Variants in MYBPHL observed in about 807,000 individuals in gnomAD.
MYBPHL encodes myosin-binding protein H-like.
A neutral mutation model predicts 39.5 loss-of-function variants in MYBPHL; 32 were observed. The observed-to-expected ratio is 0.81, with a 90% CI of 0.61 to 1.09. The LOEUF is 1.09. MYBPHL is among the 50% of genes least tolerant of loss of function. The pLI is 0.00. For missense variants in MYBPHL, 456 were observed against 460.2 expected, an observed-to-expected ratio of 0.99 and a Z score of 0.08; for synonymous variants, 196 against 183.7, an observed-to-expected ratio of 1.07 and a Z score of -0.54.
Position 109,306,894 on chromosome 1 carries a change from C to T in MYBPHL, c.98G>A (p.Gly33Glu), listed in dbSNP as rs1007579987. Residue 33 changes from glycine (G) to glutamate (E), a missense_variant, in exon 1 of 9, where the codon GGA becomes GAA. Coordinates refer to ENST00000357155, the MANE Select transcript of MYBPHL (RefSeq NM_001010985.3). ...ADAEPPQASP[G>E]QGAGSPTPQL... ...GGGAGTGGGGCTGCCAGCCCCCTGTCCAGGTGAAGCCTGGGGTGGTTCAGC... is the reference window on the plus strand; with the variant it reads ...GGGAGTGGGGCTGCCAGCCCCCTGTTCAGGTGAAGCCTGGGGTGGTTCAGC... 1 of 1,604,120 alleles carries T rather than the reference C, an allele frequency of 6.2e-7. No individual in the cohort carries two copies. The highest frequency in any genetic ancestry group is 8.5e-7 in the Non-Finnish European group (1 of 1,175,678).
At chr1:109,303,321 C>T (rs964451668) in intron 1 of MYBPHL, among the ~76,000 whole-genome samples, 3 of 152,134 alleles carry the variant, frequency 2.0e-5, no homozygotes, top group Admixed American at 6.5e-5. Flanking sequence ...TTAGATTGCA[C>T]GGTCATTATT....
At chr1:109,299,452 C>T (rs1658207606) in intron 1 of MYBPHL, among the ~76,000 whole-genome samples, 2 of 152,196 alleles carry the variant, frequency 1.3e-5, no homozygotes, top group African/African-American at 4.8e-5. Flanking sequence ...ACATACATTA[C>T]ATAACACAAA....
rs779216234 is a variant in MYBPHL at position 109,297,559 on chromosome 1, C to T, written c.293G>A (p.Arg98His). 1.7e-5 allele frequency: 28 copies of T among 1,613,808 alleles called. No homozygotes were observed. The highest frequency in any genetic ancestry group is 5.3e-5 in the African/African-American group (4 of 74,924). The change falls in exon 3 of 9, where the codon CGT (arginine) becomes CAT (histidine). Residue 98 changes from arginine to histidine, a missense_variant. Transcript: ENST00000357155. ...TTGCTCCCCATTCCGCACACTCACA[C>T]GCCTGGTGTCCAAGGCACAGCCATC... ...THDGCALDTR[R>H]VSVRNGEQDS...
In MYBPHL at chr1:109,295,445, C is replaced by G; in HGVS notation, c.868-148G>C. The G allele has an allele frequency of 2.3e-5, 14 of 612,754 alleles. No individual in the cohort carries two copies. The South Asian group carries it at 4.2e-4, about 18-fold the overall frequency. The allele number at this position is 612,754 out of a possible 1,614,324, so 38.0% of individuals were successfully genotyped here. ...TCCTTATGTTGTGGGAAGGGTTTCCCCTTCCAGTGCCACCAGCAGTCCCCC... is the reference window on the plus strand; with the variant it reads ...TCCTTATGTTGTGGGAAGGGTTTCCGCTTCCAGTGCCACCAGCAGTCCCCC... On this transcript the variant is annotated intron_variant, in intron 6 of 8. Coordinates refer to ENST00000357155, the MANE Select transcript of MYBPHL (RefSeq NM_001010985.3).
chr1:109,300,402 CG>C (rs948512139), intron 1 of MYBPHL, among the ~76,000 whole-genome samples: 1 of 152,148 alleles, frequency 6.6e-6, no homozygotes, highest in African/African-American at 2.4e-5. Context: ...AGAGGGAAGG[CG>C]GGGGCTAGAC....
At chr1:109,296,650 G>T in intron 5 of MYBPHL, 133 bp downstream of exon 5, 1 of 1,073,224 alleles carries the variant, frequency 9.3e-7, no homozygotes, top group Non-Finnish European at 1.4e-6. Flanking sequence ...TGTTGTCCAG[G>T]CTGGTCTTGA....
chr1:109,298,087 G>T, intron 2 of MYBPHL, 82 bp downstream of exon 2: 1 of 1,201,454 alleles, frequency 8.3e-7, no homozygotes, highest in Non-Finnish European at 1.2e-6. Context: ...CCCTCTGCTA[G>T]CAGGACTCTT....
chr1:109,298,541 T>C (rs1658170514), intron 1 of MYBPHL, among the ~76,000 whole-genome samples: 2 of 152,332 alleles, frequency 1.3e-5, no homozygotes, highest in East Asian at 3.9e-4. Flanking sequence ...TTCCATCATC[T>C]GGAGGCATTC....
intron 1 of MYBPHL, among the ~76,000 whole-genome samples, chr1:109,300,114 T>C (rs1658230074): frequency 6.6e-6 from 1 of 152,148 alleles, no homozygotes; most frequent in South Asian, 2.1e-4. Flanking sequence ...CTGTGCCGCC[T>C]GCCTACAGAA....
chr1:109,297,537 C>G lies in MYBPHL; in HGVS notation c.315G>C (p.Glu105Asp), dbSNP rs762028487. 9.9e-6 allele frequency: 16 copies of G among 1,613,830 alleles called. No homozygotes were observed. Among genetic ancestry groups the G allele is most frequent in the African/African-American group, 1.3e-5 (1 of 74,916 alleles). Residue 105 changes from glutamate (E) to aspartate (D), a missense_variant, in exon 3 of 9, where the codon GAG (glutamate) becomes GAC (aspartate). Coordinates refer to ENST00000357155, the MANE Select transcript of MYBPHL (RefSeq NM_001010985.3). Reference sequence around the variant, plus strand: ...CTCGGATGAAGAGGATGGAGTCTTGCTCCCCATTCCGCACACTCACACGCC... The same window carrying G: ...CTCGGATGAAGAGGATGGAGTCTTGGTCCCCATTCCGCACACTCACACGCC... ...DTRRVSVRNG[E>D]QDSILFIREA...
chr1:109,303,468 G>A (rs1254823504), intron 1 of MYBPHL, among the ~76,000 whole-genome samples: 1 of 152,128 alleles, frequency 6.6e-6, no homozygotes, highest in Non-Finnish European at 1.5e-5. Flanking sequence ...ACAGGACTGG[G>A]GGAAAATACA....
At chr1:109,300,820 A>G (rs1658251010) in intron 1 of MYBPHL, among the ~76,000 whole-genome samples, 1 of 152,146 alleles carries the variant, frequency 6.6e-6, no homozygotes, top group Non-Finnish European at 1.5e-5. Flanking sequence ...GGACGGCTCC[A>G]TTGCCGGTTC....
Position 109,296,958 on chromosome 1 carries a change from T to C in MYBPHL, c.571-16A>G, listed in dbSNP as rs1658096254. The C allele has an allele frequency of 1.2e-6, 2 of 1,613,942 alleles. No homozygotes were observed. Among genetic ancestry groups the C allele is most frequent in the Non-Finnish European group, 8.5e-7 (1 of 1,179,872 alleles). On this transcript the variant is annotated splice_polypyrimidine_tract_variant and intron_variant, in intron 4 of 8. Transcript: ENST00000357155. ...TGAACCACAGCTGCGGGGCCGAACA[T>C]GATGCCAGAAATCAGCCACCCCATG... is the stretch of plus-strand genomic sequence containing the variant.
chr1:109,292,659 G>C (rs919994360), intron 8 of MYBPHL, 71 bp from the exon 9 acceptor site: 4 of 152,188 alleles, frequency 2.6e-5, no homozygotes, highest in Admixed American at 2.6e-4. Flanking sequence ...GGTGAGGGAG[G>C]GAGAGTTGTC....
At chr1:109,298,024 G>A in intron 2 of MYBPHL, 145 bp downstream of exon 2, 1 of 674,506 alleles carries the variant, frequency 1.5e-6, no homozygotes, top group Admixed American at 3.3e-5. Context: ...GAGGTCATTT[G>A]GCCTCAGACT....
At chr1:109,296,561 C>T (rs1658071697) in intron 5 of MYBPHL, among the ~76,000 whole-genome samples, 191 bp from the exon 6 acceptor site, 1 of 152,006 alleles carries the variant, frequency 6.6e-6, no homozygotes, top group African/African-American at 2.4e-5. Flanking sequence ...GCCTTAGCCT[C>T]CTGAGTAGCT....
intron 2 of MYBPHL, 47 bp downstream of exon 2, chr1:109,298,122 C>G (rs752812493): frequency 2.7e-6 from 4 of 1,499,014 alleles, no homozygotes; most frequent in Admixed American, 4.3e-5. Flanking sequence ...AATCCAAAAC[C>G]TGCACTGGCC....
Position 109,296,773 on chromosome 1 carries a change from C to A in MYBPHL, c.730+10G>T, listed in dbSNP as rs368129017. ...GTCTTCCCAGCTCATGATCCCCATG[C>A]CTCCCTTACCTGCTTTCTGGATGTG... On this transcript the variant is annotated intron_variant, in intron 5 of 8. Transcript: ENST00000357155. 3 of 1,613,946 alleles carry A rather than the reference C, an allele frequency of 1.9e-6. No individual in the cohort carries two copies. Among genetic ancestry groups the A allele is most frequent in the African/African-American group, 2.7e-5 (2 of 74,906 alleles).
intron 3 of MYBPHL, 87 bp from the exon 4 acceptor site, chr1:109,297,276 TCA>T (rs1324424845): frequency 6.3e-7 from 1 of 1,592,858 alleles, no homozygotes; most frequent in African/African-American, 1.3e-5. Flanking sequence ...CTTTTTCTCC[TCA>T]GTTACCCCTC....
Sources: allele counts gnomAD v4.1 joint callset (sites outside exome capture counted in the v4.1 genomes callset), GRCh38; gene constraint gnomAD v4.1.1; transcripts MANE v1.5; gene names NCBI Gene and HGNC (gene_info 2026-07-23, HGNC 2026-07-21).